Variants in SLC46A3 observed in about 807,000 individuals in gnomAD.
SLC46A3 encodes the protein lysosomal proton-coupled steroid conjugate and bile acid symporter SLC46A3.
Under a neutral mutation model 38.5 loss-of-function variants are expected in SLC46A3, and 26 were observed. The ratio of observed to expected loss-of-function variants is 0.68; its 90% CI spans 0.49 to 0.94. The LOEUF (loss-of-function observed/expected upper bound fraction) is 0.94. Among genes scored for constraint, SLC46A3 ranks in the 40% least tolerant of loss-of-function variants. The probability of loss-of-function intolerance (pLI) is 0.00; values close to 1 mark genes in which losing one functional copy is unlikely to be tolerated. For missense variants in SLC46A3, 510 were observed against 544.3 expected (o/e 0.94, Z 0.63); for synonymous variants, 185 against 192.5 (o/e 0.96, Z 0.32).
At chr13:28,714,430 C>T (rs1885464515) in intron 2 of SLC46A3, among the ~76,000 whole-genome samples, 2 of 151,978 alleles carry the variant, frequency 1.3e-5, no homozygotes, top group African/African-American at 2.4e-5. Context: ...GGCAACATAG[C>T]GAGACCCTGT....
intron 4 of SLC46A3, among the ~76,000 whole-genome samples, chr13:28,708,291 GA>G (rs1312829282): frequency 6.6e-6 from 1 of 152,150 alleles, no homozygotes; most frequent in African/African-American, 2.4e-5. Context: ...CGCAGTGTAT[GA>G]GGGCTCCAAT....
intron 4 of SLC46A3, among the ~76,000 whole-genome samples, chr13:28,705,498 C>T (rs550035113): frequency 6.6e-6 from 1 of 152,308 alleles, no homozygotes; most frequent in African/African-American, 2.4e-5. Flanking sequence ...GACAAACATT[C>T]ATAAAACATA....
intron 4 of SLC46A3, among the ~76,000 whole-genome samples, chr13:28,707,522 C>T (rs570794045): frequency 6.6e-6 from 1 of 151,884 alleles, no homozygotes; most frequent in South Asian, 2.1e-4. Context: ...CAAACCTGCA[C>T]GTTGTGCACA....
intron 3 of SLC46A3, among the ~76,000 whole-genome samples, chr13:28,712,128 T>C (rs1183048611): frequency 6.6e-6 from 1 of 152,220 alleles, no homozygotes; most frequent in Non-Finnish European, 1.5e-5. Flanking sequence ...GTATCTCATT[T>C]GAATCCTGCA....
chr13:28,718,135 G>A (rs959274975), intron 1 of SLC46A3, 113 bp from the exon 2 acceptor site: 4 of 811,388 alleles, frequency 4.9e-6, no homozygotes, highest in Non-Finnish European at 7.7e-6. Context: ...AAGCAAACTA[G>A]AGAACAGAAA....
chr13:28,713,040 A>C lies in SLC46A3; in HGVS notation c.700T>G (p.Cys234Gly), dbSNP rs1302203762. The C allele has an allele frequency of 1.2e-6, 2 of 1,611,950 alleles. No homozygotes were observed. Among genetic ancestry groups the C allele is most frequent in the African/African-American group, 2.7e-5 (2 of 74,742 alleles). ...ECSSQNVTMS[C>G]SEGFKNLFYR... ...AATAGGTTTTTGAAGCCTTCACTACATGACATAGTAACATTCTGAGATGAA... is the reference window on the plus strand; with the variant it reads ...AATAGGTTTTTGAAGCCTTCACTACCTGACATAGTAACATTCTGAGATGAA... The change falls in exon 3 of 6, where the codon TGT becomes GGT. Residue 234 changes from cysteine (C) to glycine (G), a missense_variant. Physicochemically the swap from Cys to Gly is radical, Grantham distance 159. Transcript: ENST00000266943.
chr13:28,710,934 T>A, intron 3 of SLC46A3, 91 bp from the exon 4 acceptor site: 1 of 874,600 alleles, frequency 1.1e-6, no homozygotes, highest in Non-Finnish European at 1.8e-6. Context: ...TCTAAATACT[T>A]CCTTTTCTAC....
chr13:28,706,148 G>C (rs529991529), intron 4 of SLC46A3, among the ~76,000 whole-genome samples: 31 of 152,198 alleles, frequency 2.0e-4, no homozygotes, highest in African/African-American at 6.7e-4. Flanking sequence ...ATAACAAGGA[G>C]TATATGGGTG....
chr13:28,700,923 T>C lies in SLC46A3; in HGVS notation c.*574A>G. ...TATAGTCTTCAGAAGTCACAGTATA[T>C]AAGCTCCGACTATCAATAGCAGCTT... On this transcript the variant is annotated 3_prime_UTR_variant, in exon 6 of 6. Coordinates refer to ENST00000266943, the MANE Select transcript of SLC46A3 (RefSeq NM_181785.4). The C allele has an allele frequency of 6.7e-7, 1 of 1,489,080 alleles. No individual in the cohort carries two copies. The highest frequency in any genetic ancestry group is 9.2e-7 in the Non-Finnish European group (1 of 1,091,464). 92.2% of individuals were successfully genotyped at this position (1,489,080 alleles called of 1,614,324 possible). A position where few individuals can be genotyped will look rare whatever the true frequency, so the allele number is the denominator to read the frequency against.
At chr13:28,704,615 A>C (rs1369802709) in intron 4 of SLC46A3, 1 of 152,370 alleles carries the variant, frequency 6.6e-6, no homozygotes, top group African/African-American at 2.4e-5. Flanking sequence ...TGACAGCTGC[A>C]GACAAAGAGA....
At chr13:28,710,994 C>A in intron 3 of SLC46A3, 151 bp from the exon 4 acceptor site, 1 of 638,018 alleles carries the variant, frequency 1.6e-6, no homozygotes. Flanking sequence ...AATTGTAGAA[C>A]TCTGTTTGAT....
chr13:28,707,052 A>G (rs1194601557), intron 4 of SLC46A3, among the ~76,000 whole-genome samples: 2 of 152,188 alleles, frequency 1.3e-5, no homozygotes, highest in Non-Finnish European at 2.9e-5. Context: ...ATTACTGGGT[A>G]TATACCCAAA....
rs1885584086 is a variant in SLC46A3 at position 28,718,015 on chromosome 13, G to T, written c.-17C>A. ...AATCTTCATATTGCCTGGGTAGGTAGCTGTATTCTATAAAAAGTGAAAACG... is the reference window on the plus strand; with the variant it reads ...AATCTTCATATTGCCTGGGTAGGTATCTGTATTCTATAAAAAGTGAAAACG... On this transcript the variant is annotated 5_prime_UTR_variant, in exon 2 of 6. Coordinates refer to ENST00000266943, the MANE Select transcript of SLC46A3 (RefSeq NM_181785.4). 1 of 1,600,370 alleles carries T rather than the reference G, an allele frequency of 6.2e-7. No individual in the cohort carries two copies. The highest frequency in any genetic ancestry group is 1.1e-5 in the South Asian group (1 of 88,542).
rs1341234581 is a variant in SLC46A3 at position 28,700,900 on chromosome 13, T to C, written c.*597A>G. 6 of 1,387,252 alleles carry C rather than the reference T, an allele frequency of 4.3e-6. No homozygotes were observed. The highest frequency in any genetic ancestry group is 6.0e-6 in the Non-Finnish European group (6 of 1,003,432). The allele number at this position is 1,387,252 out of a possible 1,614,324, so 85.9% of individuals were successfully genotyped here. A position where few individuals can be genotyped will look rare whatever the true frequency, so the allele number is the denominator to read the frequency against. On this transcript the variant is annotated 3_prime_UTR_variant, in exon 6 of 6. Transcript: ENST00000266943. ...AAGCACTGATTGTGGAATTCATGTA[T>C]AGTCTTCAGAAGTCACAGTATATAA...
Position 28,710,814 on chromosome 13 carries a change from G to A in SLC46A3, c.1090C>T (p.Pro364Ser). The change falls in exon 4 of 6, where the codon CCA becomes TCA. Residue 364 changes from proline (P) to serine (S), a missense_variant. Pro to Ser is a moderately conservative substitution (Grantham distance 74). Coordinates refer to ENST00000266943, the MANE Select transcript of SLC46A3 (RefSeq NM_181785.4). ...ARVPFLFTIV[P>S]FSVLRSMLSK... ...AACATGGACCGTAGAACAGAGAATGGCACAATAGTGAAAAGGAACGGCACC... is the reference window on the plus strand; with the variant it reads ...AACATGGACCGTAGAACAGAGAATGACACAATAGTGAAAAGGAACGGCACC... 1.2e-6 allele frequency: 2 copies of A among 1,613,948 alleles called. No homozygotes were observed. The highest frequency in any genetic ancestry group is 1.7e-6 in the Non-Finnish European group (2 of 1,179,946).
At chr13:28,713,585 A>C (rs769960551) in intron 2 of SLC46A3, 35 bp from the exon 3 acceptor site, 50 of 1,559,750 alleles carry the variant, frequency 3.2e-5, no homozygotes, top group Non-Finnish European at 4.4e-5. Context: ...ATGTGTTTAC[A>C]GTAGTTAACA....
chr13:28,703,907 T>C, intron 5 of SLC46A3, 36 bp downstream of exon 5: 1 of 1,570,236 alleles, frequency 6.4e-7, no homozygotes, highest in Non-Finnish European at 8.7e-7. Flanking sequence ...TTAATCCATA[T>C]ACCCTCTGAT....
At chr13:28,714,144 A>T (rs1422487212) in intron 2 of SLC46A3, among the ~76,000 whole-genome samples, 380 of 14,508 alleles carry the variant, frequency 0.026, 2 homozygotes, top group Middle Eastern at 0.12. Flanking sequence ...AAAAATACAA[A>T]AAAAAAAAAA....
At position 28,717,855 on chromosome 13, in the gene SLC46A3, A is replaced by G. The variant is rs1341589620; in HGVS notation, c.144T>C (p.Ser48=). Residue 48 remains serine, a synonymous_variant, in exon 2 of 6, where the codon TCT becomes TCC. Transcript: ENST00000266943. ...NYTFSSDSNI[S]ECEKNKSSPI... ...GGCTGCTTTTGTTTTTTTCACACTC[A>G]GAAATATTGCTATCAGATGAAAAAG... 6.2e-7 allele frequency: 1 copy of G among 1,613,804 alleles called. No individual in the cohort carries two copies. Among genetic ancestry groups the G allele is most frequent in the South Asian group, 1.1e-5 (1 of 90,910 alleles).
Sources: allele counts gnomAD v4.1 joint callset (sites outside exome capture counted in the v4.1 genomes callset), GRCh38; gene constraint gnomAD v4.1.1; transcripts MANE v1.5; gene names NCBI Gene and HGNC (gene_info 2026-07-23, HGNC 2026-07-21).